The following CACNA1S variants were observed in gnomAD, a reference collection of about 807,000 sequenced individuals.
CACNA1S encodes the protein calcium voltage-gated channel subunit alpha1 S, also known as voltage-dependent L-type calcium channel subunit alpha-1S.
Under a neutral mutation model 207.4 loss-of-function variants are expected in CACNA1S, and 126 were observed. That is an observed-to-expected ratio of 0.61 (90% CI 0.53 to 0.70). The LOEUF (loss-of-function observed/expected upper bound fraction) is 0.70, where lower values mean the gene tolerates loss of function less well. Ranked by LOEUF, CACNA1S falls within the 30% of genes least tolerant of loss-of-function variation. CACNA1S has a pLI of 0.00. For synonymous variants in CACNA1S, 960 were observed against 932.7 expected (o/e 1.03, Z -0.53); for missense variants, 2,349 against 2,422.8 (o/e 0.97, Z 0.64).
Position 201,066,322 on chromosome 1 carries a change from G to A in CACNA1S, c.2658-6C>T, listed in dbSNP as rs904711749. The A allele has an allele frequency of 2.5e-6, 4 of 1,608,886 alleles. No individual in the cohort carries two copies. The highest frequency in any genetic ancestry group is 3.3e-5 in the Admixed American group (2 of 59,992). On this transcript the variant is annotated splice_polypyrimidine_tract_variant and splice_region_variant and intron_variant, in intron 20 of 43. Transcript: ENST00000362061. This position sits in a 1 kb window ranked among gnomAD's most constrained non-coding sequence, Gnocchi z 4.3. ...CCACGGAGATGGCACTGGACCTGGGGGGCGGCAATGGTGAGGGGGCTGAGG... is the reference window on the plus strand; with the variant it reads ...CCACGGAGATGGCACTGGACCTGGGAGGCGGCAATGGTGAGGGGGCTGAGG...
intron 37 of CACNA1S, 21 bp downstream of exon 37, chr1:201,047,504 G>A: frequency 6.3e-7 from 1 of 1,591,508 alleles, no homozygotes; most frequent in South Asian, 1.1e-5. Context: ...CTGGACTCTG[G>A]TCCCCCAAAG....
At chr1:201,042,666 G>A (rs771313307) in intron 40 of CACNA1S, among the ~76,000 whole-genome samples, 1 of 152,238 alleles carries the variant, frequency 6.6e-6, no homozygotes, top group Non-Finnish European at 1.5e-5. Context: ...GCTGGCTGCT[G>A]CCTTGTTCTG....
rs957616162 is a variant in CACNA1S, at chr1:201,088,806, C to T, written c.900+452G>A. Among the ~76,000 whole-genome samples, 12 of 152,272 alleles carry T rather than the reference C, an allele frequency of 7.9e-5. 1 individual carries two copies. Among genetic ancestry groups the T allele is most frequent in the African/African-American group, 2.9e-4 (12 of 41,550 alleles). On this transcript the variant is annotated intron_variant, in intron 6 of 43. Transcript: ENST00000362061. ...TGTGCCGGGCACTGTTGTAATTCTC[C>T]CACTAACTCTGATATAGACAGTATT...
At chr1:201,084,613 A>G (rs1202303590) in intron 9 of CACNA1S, among the ~76,000 whole-genome samples, 1 of 152,122 alleles carries the variant, frequency 6.6e-6, no homozygotes, top group Non-Finnish European at 1.5e-5. Flanking sequence ...CTTCCCTCGC[A>G]GAGGTTTCCA....
intron 15 of CACNA1S, 58 bp from the exon 16 acceptor site, chr1:201,072,882 A>G (rs541151916): frequency 1.2e-5 from 16 of 1,293,776 alleles, no homozygotes; most frequent in Non-Finnish European, 1.5e-5. Context: ...TTTCCCCTCA[A>G]TGAGCATATA....
Position 201,077,050 on chromosome 1 carries a change from A to G in CACNA1S, c.1697T>C (p.Leu566Pro). 2 of 1,613,498 alleles carry G rather than the reference A, an allele frequency of 1.2e-6. No individual in the cohort carries two copies. Among genetic ancestry groups the G allele is most frequent in the Non-Finnish European group, 1.7e-6 (2 of 1,179,406 alleles). ...GGCGAAGATGACGATGAAGAGGAAG[A>G]GCAGCAGCAGCAGGGAGGCGATGGA... is the stretch of plus-strand genomic sequence containing the variant. ...IRSIASLLLL[L>P]FLFIVIFALL... Residue 566 changes from leucine (L) to proline (P), a missense_variant, in exon 12 of 44, where the codon CTC becomes CCC. Transcript: ENST00000362061.
At chr1:201,064,642 C>T (rs1380641266) in intron 22 of CACNA1S, among the ~76,000 whole-genome samples, 1 of 152,168 alleles carries the variant, frequency 6.6e-6, no homozygotes, top group Non-Finnish European at 1.5e-5. Context: ...ATAGGAGGAG[C>T]AGCTGGGTCA....
chr1:201,066,461 A>C lies in CACNA1S; in HGVS notation c.2658-145T>G. ...CCCACCTTCCCCTTCCCTTTCCTCC[A>C]GCCGTGAGAGTGTGCCCGACTCCAG... is the stretch of plus-strand genomic sequence containing the variant. On this transcript the variant is annotated intron_variant, in intron 20 of 43. Transcript: ENST00000362061. This position sits in a 1 kb window ranked among gnomAD's most constrained non-coding sequence, Gnocchi z 4.3. The C allele has an allele frequency of 1.4e-6, 1 of 726,530 alleles. No individual in the cohort carries two copies. Among genetic ancestry groups the C allele is most frequent in the South Asian group, 1.6e-5 (1 of 63,196 alleles). 45.0% of individuals were successfully genotyped at this position (726,530 alleles called of 1,614,324 possible). A position where few individuals can be genotyped will look rare whatever the true frequency, so the allele number is the denominator to read the frequency against.
intron 6 of CACNA1S, 108 bp downstream of exon 6, chr1:201,089,150 C>A (rs1662133428): frequency 2.0e-6 from 2 of 1,016,898 alleles, no homozygotes; most frequent in Non-Finnish European, 3.1e-6. Flanking sequence ...TGTGGTCACG[C>A]AAGTCAGAGA....
chr1:201,070,868 G>A lies in CACNA1S; in HGVS notation c.2228-464C>T, dbSNP rs150232478. 1.9e-3 allele frequency among the ~76,000 whole-genome samples: 285 copies of A among 152,226 alleles called. 2 individuals are homozygous for A. The highest frequency in any genetic ancestry group is 6.1e-3 in the African/African-American group (255 of 41,540). Reference sequence around the variant, plus strand: ...TTGTGAAACCGACAAGGGGCAGGAGGGTTGTTGAAATAAAAGGACCCTGTG... The same window carrying A: ...TTGTGAAACCGACAAGGGGCAGGAGAGTTGTTGAAATAAAAGGACCCTGTG... On this transcript the variant is annotated intron_variant, in intron 16 of 43. Coordinates refer to ENST00000362061, the MANE Select transcript of CACNA1S (RefSeq NM_000069.3).
At position 201,085,473 on chromosome 1, in the gene CACNA1S, C is replaced by A; in HGVS notation, c.1113G>T (p.Thr371=). 1 of 1,613,248 alleles carries A rather than the reference C, an allele frequency of 6.2e-7. No individual in the cohort carries two copies. The highest frequency in any genetic ancestry group is 1.3e-5 in the African/African-American group (1 of 74,688). ...EDLRGYMSWI[T]QGEVMDVEDF... Reference sequence around the variant, plus strand: ...CCTCAACATCCATGACCTCGCCCTGCGTGATCCAGCTCATGTAGCCCCGAA... The same window carrying A: ...CCTCAACATCCATGACCTCGCCCTGAGTGATCCAGCTCATGTAGCCCCGAA... The change falls in exon 8 of 44, where the codon ACG becomes ACT. Residue 371 remains threonine (T), a synonymous_variant. Coordinates refer to ENST00000362061, the MANE Select transcript of CACNA1S (RefSeq NM_000069.3).
chr1:201,044,416 A>C lies in CACNA1S; in HGVS notation c.4709T>G (p.Ile1570Ser), dbSNP rs762847052. Reference sequence around the variant, plus strand: ...CAGGTCTCCTGAGACCGTGCGACAGATCTCGGGGGCTGCCTCTTCCTCAAT... The same window carrying C: ...CAGGTCTCCTGAGACCGTGCGACAGCTCTCGGGGGCTGCCTCTTCCTCAAT... Reference protein sequence around the residue: ...RTIEEEAAPEICRTVSGDLAA... With the variant: ...RTIEEEAAPESCRTVSGDLAA... The change falls in exon 39 of 44, where the codon ATC (isoleucine) becomes AGC (serine). Residue 1570 changes from isoleucine (I) to serine (S), a missense_variant. Ile to Ser is a moderately radical substitution (Grantham distance 142). Transcript: ENST00000362061. 8 of 1,612,932 alleles carry C rather than the reference A, an allele frequency of 5.0e-6. No individual in the cohort carries two copies. Among genetic ancestry groups the C allele is most frequent in the Non-Finnish European group, 5.1e-6 (6 of 1,179,792 alleles).
Position 201,070,367 on chromosome 1 carries a change from G to C in CACNA1S, c.2265C>G (p.Ser755Arg). ...DEEDEPEIPL[S>R]PRPRPLAELQ... The stretch of plus-strand genomic sequence containing the variant: ...GCTCAGCCAGGGGACGTGGTCGGGG[G>C]CTCAGCGGGATCTCAGGCTCATCTT... The change falls in exon 17 of 44, where the codon AGC becomes AGG. Residue 755 changes from serine (S) to arginine (R), a missense_variant. Ser to Arg is a moderately radical substitution (Grantham distance 110). Coordinates refer to ENST00000362061, the MANE Select transcript of CACNA1S (RefSeq NM_000069.3). 5 of 1,614,062 alleles carry C rather than the reference G, an allele frequency of 3.1e-6. No individual in the cohort carries two copies. Among genetic ancestry groups the C allele is most frequent in the Non-Finnish European group, 4.2e-6 (5 of 1,179,998 alleles).
At chr1:201,050,561 G>T (rs556076885) in intron 33 of CACNA1S, 45 bp from the exon 34 acceptor site, 6 of 1,612,728 alleles carry the variant, frequency 3.7e-6, no homozygotes, top group African/African-American at 2.7e-5. Context: ...AAGGCAGGTG[G>T]TACAGGGTTA....
chr1:201,065,673 T>C (rs1021821772), intron 22 of CACNA1S, among the ~76,000 whole-genome samples, 165 bp downstream of exon 22: 1 of 152,222 alleles, frequency 6.6e-6, no homozygotes, highest in Admixed American at 6.5e-5. Context: ...TGCAAACTTA[T>C]GTGTTTGGTG....
chr1:201,063,013 G>T (rs1054810392), intron 22 of CACNA1S, among the ~76,000 whole-genome samples: 2 of 152,192 alleles, frequency 1.3e-5, no homozygotes, highest in Non-Finnish European at 2.9e-5. Flanking sequence ...TTGGAGCCCA[G>T]CTGGGCTCTG....
chr1:201,069,087 C>A (rs972220035), intron 19 of CACNA1S, 50 bp downstream of exon 19: 1 of 1,502,638 alleles, frequency 6.7e-7, no homozygotes, highest in Non-Finnish European at 9.3e-7. Flanking sequence ...TAAACTGGAG[C>A]CACATCAGGG....
In CACNA1S at chr1:201,070,348, C is replaced by CTG. The variant is rs1558067973; in HGVS notation, c.2283_2284insCA (p.Ala762GlnfsTer6). On this transcript the variant is annotated frameshift_variant, in exon 17 of 44. Transcript: ENST00000362061. LOFTEE classifies it high-confidence loss of function. ...GCCTTCTCTTTCAGCTGCAGCTCAGCCAGGGGACGTGGTCGGGGGCTCAGC... is the reference window on the plus strand; with the variant it reads ...GCCTTCTCTTTCAGCTGCAGCTCAGCTGCAGGGGACGTGGTCGGGGGCTCAGC... The CTG allele has an allele frequency of 5.6e-6, 9 of 1,613,970 alleles. No individual in the cohort carries two copies. Among genetic ancestry groups the CTG allele is most frequent in the African/African-American group, 1.3e-5 (1 of 74,918 alleles).
chr1:201,077,912 C>A lies in CACNA1S; in HGVS notation c.1586G>T (p.Cys529Phe), dbSNP rs745998610. 5 of 1,614,018 alleles carry A rather than the reference C, an allele frequency of 3.1e-6. No homozygotes were observed. In the Admixed American group the frequency reaches 5.0e-5, roughly 16 times the overall value. Reference protein sequence around the residue: ...MTPLGISVLRCIRLLRIFKIT... With the variant: ...MTPLGISVLRFIRLLRIFKIT... ...CTTGAAGATCCTCAGGAGGCGGATG[C>A]AGCGGAGCACGGAGATGCCCAGGGG... Residue 529 changes from cysteine to phenylalanine, a missense_variant, in exon 11 of 44, where the codon TGC (cysteine) becomes TTC (phenylalanine). By Grantham distance (205) the Cys-to-Phe change is radical. Transcript: ENST00000362061.
Sources: gnomAD v4.1 joint callset for allele counts (sites outside exome capture counted in the v4.1 genomes callset) on GRCh38, gnomAD v4.1.1 for gene constraint, Gnocchi (gnomAD v3.1) non-coding constraint, MANE v1.5 for transcripts, NCBI Gene and HGNC (gene_info 2026-07-23, HGNC 2026-07-21) for gene names.